Variants in SLC17A8 observed in about 807,000 individuals in gnomAD.
SLC17A8 encodes vesicular glutamate transporter 3.
A neutral mutation model predicts 58.0 loss-of-function variants in SLC17A8; 31 were observed. The observed-to-expected ratio is 0.53, with a 90% CI of 0.40 to 0.72. The LOEUF (loss-of-function observed/expected upper bound fraction) is 0.72, where lower values mean the gene tolerates loss of function less well. SLC17A8 is among the 30% of genes least tolerant of loss of function. The pLI is 0.00. For missense variants in SLC17A8, 655 were observed against 727.8 expected (o/e 0.90, Z 1.15); for synonymous variants, 228 against 249.0 (o/e 0.92, Z 0.79).
Position 100,369,199 on chromosome 12 carries a change from C to T in SLC17A8, c.102-11502C>T, listed in dbSNP as rs923641335. ...GCTGAGGCAGGAGAACTGCTTGAACCCAGGAGGCAGACGTTGCAGTGAGCC... is the reference window on the plus strand; with the variant it reads ...GCTGAGGCAGGAGAACTGCTTGAACTCAGGAGGCAGACGTTGCAGTGAGCC... On this transcript the variant is annotated intron_variant, in intron 1 of 11. Coordinates refer to ENST00000323346, the MANE Select transcript of SLC17A8 (RefSeq NM_139319.3). 1.1e-4 allele frequency among the ~76,000 whole-genome samples: 17 copies of T among 152,132 alleles called. 1 individual carries two copies. Among genetic ancestry groups the T allele is most frequent in the Admixed American group, 1.1e-3 (17 of 15,282 alleles).
At chr12:100,392,295 A>T (rs1012566622) in intron 3 of SLC17A8, among the ~76,000 whole-genome samples, 11 of 152,208 alleles carry the variant, frequency 7.2e-5, no homozygotes, top group African/African-American at 2.7e-4. Context: ...GAGAAATAGA[A>T]GAAAAGATAA....
chr12:100,359,507 G>C (rs1034443893), intron 1 of SLC17A8, among the ~76,000 whole-genome samples: 25 of 152,182 alleles, frequency 1.6e-4, no homozygotes, highest in Non-Finnish European at 3.7e-4. Context: ...AAAACAGCTA[G>C]CACAGTACTA....
rs567407753 is a variant in SLC17A8 at position 100,397,623 on chromosome 12, G to C, written c.676+1206G>C. ...CCATCAACACAGTGGTAAATGTGTCGGGGGAAGGGGCCCATGAAGGTAAAA... is the reference window on the plus strand; with the variant it reads ...CCATCAACACAGTGGTAAATGTGTCCGGGGAAGGGGCCCATGAAGGTAAAA... On this transcript the variant is annotated intron_variant, in intron 5 of 11. Transcript: ENST00000323346. Among the ~76,000 whole-genome samples the C allele has an allele frequency of 6.8e-4, 103 of 152,136 alleles. No individual in the cohort carries two copies. In the Middle Eastern group the frequency reaches 0.01, roughly 15 times the overall value.
chr12:100,363,996 T>C (rs2135969411), intron 1 of SLC17A8, among the ~76,000 whole-genome samples: 1 of 134,440 alleles, frequency 7.4e-6, no homozygotes, highest in African/African-American at 2.9e-5. Flanking sequence ...TGCAGTGAGC[T>C]GAGATAGAGC....
intron 4 of SLC17A8, among the ~76,000 whole-genome samples, chr12:100,396,105 C>T (rs1240087778): frequency 6.6e-6 from 1 of 152,176 alleles, no homozygotes; most frequent in Non-Finnish European, 1.5e-5. Context: ...GAGGGCTACA[C>T]CCTTATTACT....
At chr12:100,416,365 A>G (rs1952906529) in intron 10 of SLC17A8, among the ~76,000 whole-genome samples, 1 of 152,236 alleles carries the variant, frequency 6.6e-6, no homozygotes, top group African/African-American at 2.4e-5. Flanking sequence ...GGTAAGATTA[A>G]TGAACTTGCA....
At chr12:100,374,469 G>A (rs1806917) in intron 1 of SLC17A8, among the ~76,000 whole-genome samples, 92,011 of 151,946 alleles carry the variant, frequency 0.61, 29,269 homozygotes, top group East Asian at 0.99. Context: ...AAAATTAGCC[G>A]GGCGTGGTGG....
intron 6 of SLC17A8, 127 bp downstream of exon 6, chr12:100,401,990 AATAC>A: frequency 1.3e-6 from 1 of 794,258 alleles, no homozygotes. Context: ...GTATAAATGG[AATAC>A]TTTATCTATG....
At chr12:100,417,804 A>T (rs964293025) in intron 10 of SLC17A8, among the ~76,000 whole-genome samples, 2 of 152,224 alleles carry the variant, frequency 1.3e-5, no homozygotes, top group African/African-American at 4.8e-5. Flanking sequence ...AATTCTCTTT[A>T]TAGAGAGAGC....
In SLC17A8 at chr12:100,357,078, TG is replaced by T. The variant is rs1952450880; in HGVS notation, c.-313del. ...GGAGGGAGAGAGGCTGCGCTCAGTCTGAGAGTGGCTGCCTGAGACAGCTGCC... is the reference window on the plus strand; with the variant it reads ...GGAGGGAGAGAGGCTGCGCTCAGTCTAGAGTGGCTGCCTGAGACAGCTGCC... On this transcript the variant is annotated 5_prime_UTR_variant, in exon 1 of 12. Transcript: ENST00000323346. The T allele has an allele frequency of 2.7e-6, 1 of 367,928 alleles. No individual in the cohort carries two copies. Among genetic ancestry groups the T allele is most frequent in the Non-Finnish European group, 5.3e-6 (1 of 190,372 alleles). The allele number at this position is 367,928 out of a possible 1,614,324, so 22.8% of individuals were successfully genotyped here.
At chr12:100,371,736 G>T (rs1952560317) in intron 1 of SLC17A8, among the ~76,000 whole-genome samples, 1 of 152,114 alleles carries the variant, frequency 6.6e-6, no homozygotes, top group African/African-American at 2.4e-5. Context: ...TTTTAGTAGA[G>T]ATGGGTTTTC....
rs759097641 is a variant in SLC17A8, at chr12:100,412,740, A to AT, written c.1187-23dup. 5.4e-5 allele frequency: 79 copies of AT among 1,475,392 alleles called. 2 individuals carry two copies. In the South Asian group the frequency reaches 6.6e-4, roughly 12 times the overall value. The allele number at this position is 1,475,392 out of a possible 1,614,324, so 91.4% of individuals were successfully genotyped here. A position where few individuals can be genotyped will look rare whatever the true frequency, so the allele number is the denominator to read the frequency against. ...TTGGGTTGACCGATATGAAAATGAC[A>AT]TTTTTTTCCCTTGCTGTTTCCATTT... On this transcript the variant is annotated intron_variant, in intron 9 of 11. Coordinates refer to ENST00000323346, the MANE Select transcript of SLC17A8 (RefSeq NM_139319.3).
chr12:100,396,250 TGAA>T (rs1952752950), intron 4 of SLC17A8, 77 bp from the exon 5 acceptor site: 1 of 1,123,676 alleles, frequency 8.9e-7, no homozygotes, highest in African/African-American at 1.5e-5. Context: ...GTAGCCTGTG[TGAA>T]GAAGCAGCAT....
At position 100,357,433 on chromosome 12, in the gene SLC17A8, G is replaced by T; in HGVS notation, c.42G>T (p.Leu14=). 1.2e-6 allele frequency: 2 copies of T among 1,613,972 alleles called. No individual in the cohort carries two copies. ...TTGATACCTTCAAAGAAAAAATTCTGAAACCTGGGAAGGAAGGAGTGAAGA... is the reference window on the plus strand; with the variant it reads ...TTGATACCTTCAAAGAAAAAATTCTTAAACCTGGGAAGGAAGGAGTGAAGA... ...KAFDTFKEKI[L]KPGKEGVKNA... is the part of the protein sequence containing the mutation. The change falls in exon 1 of 12, where the codon CTG becomes CTT. Residue 14 remains leucine (L), a synonymous_variant. Transcript: ENST00000323346.
At chr12:100,390,488 A>G (rs1001912832) in intron 2 of SLC17A8, among the ~76,000 whole-genome samples, 1 of 151,752 alleles carries the variant, frequency 6.6e-6, no homozygotes, top group Non-Finnish European at 1.5e-5. Flanking sequence ...CTGGGAGTAC[A>G]GGTGCCCGCC....
intron 2 of SLC17A8, among the ~76,000 whole-genome samples, chr12:100,382,861 T>C (rs1952647120): frequency 6.6e-6 from 1 of 152,230 alleles, no homozygotes; most frequent in South Asian, 2.1e-4. Flanking sequence ...AAGAAGTCTT[T>C]AGTTGGTCTG....
chr12:100,383,660 G>T (rs1281148996), intron 2 of SLC17A8, among the ~76,000 whole-genome samples: 2 of 152,048 alleles, frequency 1.3e-5, no homozygotes, highest in Non-Finnish European at 2.9e-5. Context: ...CAAATATGTG[G>T]CATATGTTCT....
intron 9 of SLC17A8, 137 bp from the exon 10 acceptor site, chr12:100,412,633 T>TAA (rs138819500): frequency 7.4e-4 from 425 of 571,588 alleles, no homozygotes; most frequent in South Asian, 1.7e-3. Context: ...GAACTTAAAG[T>TAA]AAAAAAAAAA....
intron 9 of SLC17A8, among the ~76,000 whole-genome samples, chr12:100,404,720 T>C (rs894441692): frequency 2.0e-5 from 3 of 152,246 alleles, no homozygotes; most frequent in Non-Finnish European, 4.4e-5. Flanking sequence ...TATTGAATGC[T>C]TTCTGTGCCA....
Sources: allele counts gnomAD v4.1 joint callset (sites outside exome capture counted in the v4.1 genomes callset), GRCh38; gene constraint gnomAD v4.1.1; transcripts MANE v1.5; gene names NCBI Gene and HGNC (gene_info 2026-07-23, HGNC 2026-07-21).